Variants in PKN2 observed in about 807,000 individuals in gnomAD.
PKN2 encodes protein kinase N2.
In PKN2, 38 loss-of-function variants were observed where a neutral mutation model predicts 119.1. The observed-to-expected ratio is 0.32, with a 90% CI of 0.25 to 0.42. The LOEUF (loss-of-function observed/expected upper bound fraction) is 0.42. Among genes scored for constraint, PKN2 ranks in the 10% least tolerant of loss-of-function variants. The pLI, the probability that PKN2 is intolerant of heterozygous loss-of-function variation, is 1.00. For synonymous variants in PKN2, 390 were observed against 384.9 expected, an observed-to-expected ratio of 1.01 and a Z score of -0.15; for missense variants, 850 against 1,165.1, an observed-to-expected ratio of 0.73 and a Z score of 3.94.
chr1:88,725,146 GGTTAT>G (rs758993200), intron 1 of PKN2, among the ~76,000 whole-genome samples: 16 of 152,132 alleles, frequency 1.1e-4, no homozygotes, highest in Non-Finnish European at 2.2e-4. Context: ...AAGAACATTG[GGTTAT>G]TTCCAGCTTT....
intron 2 of PKN2, among the ~76,000 whole-genome samples, chr1:88,745,653 G>A (rs953900448): frequency 6.6e-6 from 1 of 152,062 alleles, no homozygotes; most frequent in African/African-American, 2.4e-5. Context: ...TTGTTAAAAT[G>A]TCCATACTAC....
At chr1:88,769,588 G>A (rs1473607199) in intron 3 of PKN2, among the ~76,000 whole-genome samples, 1 of 152,068 alleles carries the variant, frequency 6.6e-6, no homozygotes, top group African/African-American at 2.4e-5. Context: ...TGGATTGTGC[G>A]ATGTATATAT....
intron 1 of PKN2, among the ~76,000 whole-genome samples, chr1:88,694,147 C>T (rs992577266): frequency 9.2e-5 from 14 of 152,128 alleles, no homozygotes; most frequent in Admixed American, 2.6e-4. Context: ...CATCCAGAGC[C>T]CAGAGTGCAC....
At chr1:88,704,525 A>T (rs1399337457) in intron 1 of PKN2, among the ~76,000 whole-genome samples, 1 of 152,198 alleles carries the variant, frequency 6.6e-6, no homozygotes, top group Non-Finnish European at 1.5e-5. Flanking sequence ...AATGGCTAAA[A>T]CATATAGCAG....
chr1:88,804,832 T>C lies in PKN2; in HGVS notation c.1426-14T>C. 1 of 1,435,128 alleles carries C rather than the reference T, an allele frequency of 7.0e-7. No homozygotes were observed. Among genetic ancestry groups the C allele is most frequent in the Non-Finnish European group, 9.6e-7 (1 of 1,039,622 alleles). 88.9% of individuals were successfully genotyped at this position (1,435,128 alleles called of 1,614,324 possible). On this transcript the variant is annotated splice_polypyrimidine_tract_variant and intron_variant, in intron 9 of 21. Transcript: ENST00000370521. ...ATGCTATTTTCATGTCAACTTGAATTTTCTTCACTGCAGGTTACCTTTTTT... is the reference window on the plus strand; with the variant it reads ...ATGCTATTTTCATGTCAACTTGAATCTTCTTCACTGCAGGTTACCTTTTTT...
chr1:88,727,786 A>G (rs1365370419), intron 1 of PKN2, among the ~76,000 whole-genome samples: 7 of 152,062 alleles, frequency 4.6e-5, no homozygotes, highest in African/African-American at 1.7e-4. Flanking sequence ...AAGTGTACAA[A>G]TCTTCCATTT....
intron 3 of PKN2, among the ~76,000 whole-genome samples, chr1:88,766,194 A>T (rs1475891626): frequency 6.6e-6 from 1 of 152,236 alleles, no homozygotes; most frequent in Admixed American, 6.5e-5. Context: ...GTCTTCTAGC[A>T]AATTATAAGC....
At chr1:88,686,802 GTATT>G (rs1666121198) in intron 1 of PKN2, among the ~76,000 whole-genome samples, 2 of 152,048 alleles carry the variant, frequency 1.3e-5, no homozygotes, top group African/African-American at 4.8e-5. Context: ...CAGCAACCAA[GTATT>G]TATTAAACTT....
rs146595589 is a variant in PKN2, at chr1:88,827,407, T to C, written c.2420-1074T>C. Reference sequence around the variant, plus strand: ...AAGACCCAAGTCTAAACACAAAATTTATATATGTTTCATATATACCTTATA... The same window carrying C: ...AAGACCCAAGTCTAAACACAAAATTCATATATGTTTCATATATACCTTATA... On this transcript the variant is annotated intron_variant, in intron 18 of 21. Transcript: ENST00000370521. Among the ~76,000 whole-genome samples, 923 of 152,070 alleles carry C rather than the reference T, an allele frequency of 6.1e-3. 6 individuals are homozygous for C. The highest frequency in any genetic ancestry group is 0.024 in the Middle Eastern group (7 of 294).
At chr1:88,804,951 T>TTGA in intron 10 of PKN2, 30 bp downstream of exon 10, 2 of 1,031,646 alleles carry the variant, frequency 1.9e-6, no homozygotes, top group Non-Finnish European at 3.0e-6. Flanking sequence ...TGCATAGCAT[T>TTGA]TTGATATTTT....
At chr1:88,814,862 T>C (rs1406989209) in intron 16 of PKN2, among the ~76,000 whole-genome samples, 2 of 152,220 alleles carry the variant, frequency 1.3e-5, no homozygotes, top group Non-Finnish European at 2.9e-5. Context: ...ATCTATAATC[T>C]GATGAAATAG....
At chr1:88,785,955 G>GC in intron 7 of PKN2, 149 bp from the exon 8 acceptor site, 1 of 567,218 alleles carries the variant, frequency 1.8e-6, no homozygotes. Context: ...TGTAAAACTA[G>GC]CCATTTAAGA....
chr1:88,739,070 A>G (rs898440619), intron 1 of PKN2, among the ~76,000 whole-genome samples: 2 of 152,164 alleles, frequency 1.3e-5, no homozygotes, highest in South Asian at 2.1e-4. Context: ...ACAGGTGTAG[A>G]TTACCTGTTT....
intron 4 of PKN2, among the ~76,000 whole-genome samples, chr1:88,771,145 A>C (rs998509685): frequency 9.2e-5 from 14 of 152,052 alleles, no homozygotes; most frequent in Non-Finnish European, 1.6e-4. Flanking sequence ...AGTTGCTAAG[A>C]GTAGGAGTAG....
intron 2 of PKN2, among the ~76,000 whole-genome samples, chr1:88,748,248 G>A (rs1447778326): frequency 6.6e-6 from 1 of 152,082 alleles, no homozygotes; most frequent in African/African-American, 2.4e-5. Flanking sequence ...TTTCTTCGTA[G>A]TCACACCCTT....
chr1:88,833,402 A>G lies in PKN2; in HGVS notation c.2909A>G (p.Glu970Gly). The change falls in exon 22 of 22, where the codon GAG (glutamate) becomes GGG (glycine). Residue 970 changes from glutamate (E) to glycine (G), a missense_variant. This residue lies in a region of PKN2 where 52 missense variants were observed against 39.9 expected (regional missense o/e 1.30). Coordinates refer to ENST00000370521, the MANE Select transcript of PKN2 (RefSeq NM_006256.4). ...PREPRILSEE[E>G]QEMFRDFDYI... The stretch of plus-strand genomic sequence containing the variant: ...GAACCAAGGATACTTTCGGAAGAGG[A>G]GCAGGAAATGTTCAGAGATTTTGAC... 3 of 1,613,372 alleles carry G rather than the reference A, an allele frequency of 1.9e-6. No individual in the cohort carries two copies. The highest frequency in any genetic ancestry group is 2.5e-6 in the Non-Finnish European group (3 of 1,179,414).
chr1:88,776,397 G>C (rs59688329), intron 6 of PKN2, among the ~76,000 whole-genome samples: 24,424 of 150,754 alleles, frequency 0.16, 3,201 homozygotes, highest in African/African-American at 0.37. Context: ...TGATAGTTTG[G>C]TATATATATA....
intron 1 of PKN2, among the ~76,000 whole-genome samples, chr1:88,739,456 T>A (rs1428511696): frequency 6.6e-6 from 1 of 152,222 alleles, no homozygotes; most frequent in Non-Finnish European, 1.5e-5. Context: ...TGATACATAA[T>A]TTTTAGAAAT....
chr1:88,828,546 T>C lies in PKN2; in HGVS notation c.2485T>C (p.Leu829=), dbSNP rs1672601261. The C allele has an allele frequency of 1.2e-6, 2 of 1,613,140 alleles. No homozygotes were observed. The highest frequency in any genetic ancestry group is 8.5e-7 in the Non-Finnish European group (1 of 1,179,260). ...GTPEFLAPEV[L]TETSYTRAVD... is the part of the protein sequence containing the mutation. ...TCCTGAATTTCTTGCCCCAGAAGTA[T>C]TAACAGAAACTTCTTATACAAGGGC... The change falls in exon 19 of 22, where the codon TTA becomes CTA. Residue 829 remains leucine (L), a synonymous_variant. Transcript: ENST00000370521.
Sources: gnomAD v4.1 joint callset for allele counts (sites outside exome capture counted in the v4.1 genomes callset) on GRCh38, gnomAD v4.1.1 for gene constraint, gnomAD v4.1.1 regional missense constraint, MANE v1.5 for transcripts, NCBI Gene and HGNC (gene_info 2026-07-23, HGNC 2026-07-21) for gene names.